The following POLA2 variants were observed in gnomAD, a reference collection of about 807,000 sequenced individuals.
The protein encoded by POLA2 is DNA polymerase alpha 2, accessory subunit.
Under a neutral mutation model 82.8 loss-of-function variants are expected in POLA2, and 47 were observed. The ratio of observed to expected loss-of-function variants is 0.57; its 90% CI spans 0.45 to 0.72. The LOEUF (loss-of-function observed/expected upper bound fraction) is 0.72. POLA2 is among the 30% of genes least tolerant of loss of function. The pLI is 0.00. For missense variants in POLA2, 634 were observed against 728.1 expected, an observed-to-expected ratio of 0.87 and a Z score of 1.49; for synonymous variants, 287 against 286.8, an observed-to-expected ratio of 1.00 and a Z score of -0.01.
At position 65,288,391 on chromosome 11, in the gene POLA2, C is replaced by A. The variant is rs193057386; in HGVS notation, c.1131+551C>A. Reference sequence around the variant, plus strand: ...TCTTACTTCTTTCTCATTACTCCAACTTCTGAACTAATCTCTTTTTAAAGC... The same window carrying A: ...TCTTACTTCTTTCTCATTACTCCAAATTCTGAACTAATCTCTTTTTAAAGC... On this transcript the variant is annotated intron_variant, in intron 11 of 17. Transcript: ENST00000265465. 3.9e-5 allele frequency among the ~76,000 whole-genome samples: 6 copies of A among 152,286 alleles called. No homozygotes were observed. The East Asian group carries it at 1.2e-3, about 29-fold the overall frequency.
At chr11:65,281,606 A>G (rs553359426) in intron 8 of POLA2, 64 bp from the exon 9 acceptor site, 1 of 1,168,990 alleles carries the variant, frequency 8.6e-7, no homozygotes, top group East Asian at 2.3e-5. Context: ...CTGCCTCAAA[A>G]TAATGTATTC....
chr11:65,266,812 G>C (rs1949465877), intron 2 of POLA2, 106 bp downstream of exon 2: 12 of 1,172,094 alleles, frequency 1.0e-5, no homozygotes, highest in Non-Finnish European at 1.5e-5. Context: ...AGTCAGGCCT[G>C]GATTCCAGTC....
At chr11:65,290,754 C>T (rs1448149483) in intron 13 of POLA2, among the ~76,000 whole-genome samples, 4 of 152,202 alleles carry the variant, frequency 2.6e-5, no homozygotes, top group East Asian at 1.9e-4. Flanking sequence ...TAATATTCCA[C>T]GGGAATCTTC....
chr11:65,263,598 C>T (rs993028545), intron 1 of POLA2, among the ~76,000 whole-genome samples: 1 of 152,126 alleles, frequency 6.6e-6, no homozygotes, highest in Admixed American at 6.6e-5. Context: ...GAGGCCAAGG[C>T]AGGTGGATAA....
downstream of POLA2, chr11:65,305,641 A>G (rs1291010804): frequency 2.5e-5 from 8 of 323,234 alleles, no homozygotes; most frequent in Non-Finnish European, 4.8e-5. Flanking sequence ...ACCATTGTAC[A>G]TTGTACTCCA....
rs888265133 is a variant in POLA2 at position 65,266,848 on chromosome 11, T to C, written c.204+142T>C. The C allele has an allele frequency of 4.1e-6, 3 of 725,174 alleles. No homozygotes were observed. The African/African-American group carries it at 5.4e-5, about 13-fold the overall frequency. The allele number at this position is 725,174 out of a possible 1,614,324, so 44.9% of individuals were successfully genotyped here. Reference sequence around the variant, plus strand: ...CCAGTGTGAGCTTGGACAAACTATGTCCCTGAGCCTCAGTTTCCTTTTCTG... The same window carrying C: ...CCAGTGTGAGCTTGGACAAACTATGCCCCTGAGCCTCAGTTTCCTTTTCTG... On this transcript the variant is annotated intron_variant, in intron 2 of 17. Transcript: ENST00000265465.
At chr11:65,281,930 C>T (rs1949646288) in intron 9 of POLA2, among the ~76,000 whole-genome samples, 198 bp downstream of exon 9, 2 of 152,204 alleles carry the variant, frequency 1.3e-5, no homozygotes, top group East Asian at 3.8e-4. Context: ...CTCTTTTAGA[C>T]TTTGTAGCTA....
rs368084999 is a variant in POLA2, at chr11:65,289,894, C to T, written c.1244+22C>T. ...GAAGGTCAGATTTCAAAATACTGGA[C>T]AGAACCTTAAGCTTCTTAGGTTTCT... is the stretch of plus-strand genomic sequence containing the variant. On this transcript the variant is annotated intron_variant, in intron 13 of 17. Coordinates refer to ENST00000265465, the MANE Select transcript of POLA2 (RefSeq NM_002689.4). 15 of 1,489,968 alleles carry T rather than the reference C, an allele frequency of 1.0e-5. 1 individual carries two copies. The highest frequency in any genetic ancestry group is 1.7e-4 in the Middle Eastern group (1 of 5,848). The allele number at this position is 1,489,968 out of a possible 1,614,324, so 92.3% of individuals were successfully genotyped here.
intron 16 of POLA2, 59 bp downstream of exon 16, chr11:65,295,658 T>C (rs977362170): frequency 6.2e-6 from 9 of 1,453,176 alleles, no homozygotes; most frequent in Non-Finnish European, 6.8e-6. Flanking sequence ...CATGGAGCTA[T>C]GACAAGCATG....
At chr11:65,296,830 T>A (rs1024431187) in intron 17 of POLA2, among the ~76,000 whole-genome samples, 4 of 151,186 alleles carry the variant, frequency 2.6e-5, no homozygotes, top group African/African-American at 9.8e-5. Context: ...GTGCCTGTAA[T>A]CCAAGCTACC....
In POLA2 at chr11:65,278,877, T is replaced by C. The variant is rs752753585; in HGVS notation, c.609T>C (p.Thr203=). Residue 203 remains threonine (T), a synonymous_variant, in exon 6 of 18, where the codon ACT becomes ACC. Transcript: ENST00000265465. ...LKVLGCPEAL[T]GSYKSMFQKL... ...TCTTGGGATGTCCAGAGGCACTAAC[T>C]GGGAGCTACAAATCCATGTTTCAGA... 2 of 1,613,754 alleles carry C rather than the reference T, an allele frequency of 1.2e-6. No individual in the cohort carries two copies. The highest frequency in any genetic ancestry group is 1.7e-6 in the Non-Finnish European group (2 of 1,180,010).
At chr11:65,294,397 A>T in intron 14 of POLA2, 136 bp downstream of exon 14, 1 of 982,384 alleles carries the variant, frequency 1.0e-6, no homozygotes, top group Non-Finnish European at 1.6e-6. Flanking sequence ...TCCTTTTTTT[A>T]AACAGGCAAA....
chr11:65,287,953 C>T (rs916003582), intron 11 of POLA2, 113 bp downstream of exon 11: 35 of 1,052,682 alleles, frequency 3.3e-5, no homozygotes, highest in Middle Eastern at 2.9e-4. Context: ...AATATCTTTT[C>T]ATTCTTAATC....
chr11:65,278,339 C>T (rs956328370), intron 5 of POLA2, among the ~76,000 whole-genome samples: 2 of 152,166 alleles, frequency 1.3e-5, no homozygotes, highest in East Asian at 3.9e-4. Context: ...TCCACAGTTG[C>T]AGGCTCAGAT....
chr11:65,281,396 A>G (rs1283914505), intron 8 of POLA2, among the ~76,000 whole-genome samples: 1 of 152,212 alleles, frequency 6.6e-6, no homozygotes, highest in African/African-American at 2.4e-5. Context: ...ACTGTGCACA[A>G]GGTACTTAAC....
intron 8 of POLA2, chr11:65,305,317 G>A (rs926913522): frequency 2.4e-5 from 11 of 453,624 alleles, no homozygotes; most frequent in Admixed American, 1.4e-4. Flanking sequence ...CCAGCCTCAC[G>A]CATCGTAAGA....
intron 1 of POLA2, 76 bp from the exon 2 acceptor site, chr11:65,266,506 G>C: frequency 6.8e-7 from 1 of 1,472,846 alleles, no homozygotes; most frequent in Non-Finnish European, 9.5e-7. Flanking sequence ...GAGTAAACCA[G>C]GATTATTTTT....
rs550977809 is a variant in POLA2, at chr11:65,274,040, T to C, written c.355-1852T>C. Among the ~76,000 whole-genome samples the C allele has an allele frequency of 4.5e-4, 69 of 152,216 alleles. 1 individual carries two copies. In the South Asian group the frequency reaches 0.011, roughly 25 times the overall value. ...AGCAATAGAGAAGTAATTATGTAAA[T>C]CATTGTAGGTCAGTTTAATTAAATA... On this transcript the variant is annotated intron_variant, in intron 4 of 17. Transcript: ENST00000265465.
downstream of POLA2, among the ~76,000 whole-genome samples, chr11:65,299,971 C>T (rs1218525480): frequency 1.3e-5 from 2 of 152,030 alleles, no homozygotes; most frequent in South Asian, 2.1e-4. Context: ...GGATTACAGG[C>T]GTGAGCCACC....
Sources: allele counts gnomAD v4.1 joint callset (sites outside exome capture counted in the v4.1 genomes callset), GRCh38; gene constraint gnomAD v4.1.1; transcripts MANE v1.5; gene names NCBI Gene and HGNC (gene_info 2026-07-23, HGNC 2026-07-21).